The following CHRM3 variants were observed in gnomAD, a reference collection of about 807,000 sequenced individuals.
The protein encoded by CHRM3 is muscarinic acetylcholine receptor M3.
CHRM3 carries 11 observed loss-of-function variants against 41.8 expected under a neutral mutation model. That is an observed-to-expected ratio of 0.26 (90% CI 0.17 to 0.44). CHRM3 has a LOEUF of 0.44. Among genes scored for constraint, CHRM3 ranks in the 20% least tolerant of loss-of-function variants. CHRM3 has a pLI of 1.00. For synonymous variants in CHRM3, 297 were observed against 301.4 expected (o/e 0.99, Z 0.15); for missense variants, 571 against 745.4 (o/e 0.77, Z 2.72).
chr1:239,477,209 A>G (rs1283979244), intron 1 of CHRM3, among the ~76,000 whole-genome samples: 3 of 152,338 alleles, frequency 2.0e-5, no homozygotes, highest in Middle Eastern at 3.4e-3. Flanking sequence ...AGTGAGCAAG[A>G]TATTTGATCT....
intron 5 of CHRM3, among the ~76,000 whole-genome samples, chr1:239,725,879 A>G (rs1663390638): frequency 6.6e-6 from 1 of 152,080 alleles, no homozygotes; most frequent in East Asian, 1.9e-4. Context: ...ATGCAGATGT[A>G]CAGACTTTTC....
chr1:239,761,710 A>G (rs1666793599), intron 5 of CHRM3, among the ~76,000 whole-genome samples: 1 of 152,172 alleles, frequency 6.6e-6, no homozygotes, highest in Non-Finnish European at 1.5e-5. Context: ...TGTGAACTGC[A>G]TCTGGCCTGG....
intron 6 of CHRM3, among the ~76,000 whole-genome samples, chr1:239,840,085 C>T (rs1673667260): frequency 6.6e-6 from 1 of 152,222 alleles, no homozygotes; most frequent in Non-Finnish European, 1.5e-5. Context: ...ACTGACATCT[C>T]TGTTGACCAG....
intron 5 of CHRM3, among the ~76,000 whole-genome samples, chr1:239,764,876 CT>C (rs1213586788): frequency 6.6e-6 from 1 of 152,182 alleles, no homozygotes; most frequent in Non-Finnish European, 1.5e-5. Flanking sequence ...CAGAAATTGC[CT>C]TTTGTTGGTG....
At chr1:239,672,853 G>A (rs1333709992) in intron 4 of CHRM3, among the ~76,000 whole-genome samples, 2 of 152,094 alleles carry the variant, frequency 1.3e-5, no homozygotes, top group Non-Finnish European at 2.9e-5. Flanking sequence ...GTTAACCCAG[G>A]AGGTGGGTAG....
Position 239,400,989 on chromosome 1 carries a change from A to T in CHRM3, c.-521+13762A>T, listed in dbSNP as rs530967331. 2.0e-5 allele frequency among the ~76,000 whole-genome samples: 3 copies of T among 152,344 alleles called. No homozygotes were observed. The South Asian group carries it at 6.2e-4, about 32-fold the overall frequency. The stretch of plus-strand genomic sequence containing the variant: ...CAGGTTGTACCATGTTGCCTTTTAT[A>T]TAAAATGCGTGCATATCTTTCTCAT... On this transcript the variant is annotated intron_variant, in intron 1 of 6. Transcript: ENST00000676153.
At chr1:239,619,247 T>G (rs767871628) in intron 3 of CHRM3, among the ~76,000 whole-genome samples, 1 of 152,126 alleles carries the variant, frequency 6.6e-6, no homozygotes, top group Non-Finnish European at 1.5e-5. Flanking sequence ...ATAGTTATTC[T>G]ATCACTCCTC....
At chr1:239,669,409 G>A (rs917184557) in intron 4 of CHRM3, among the ~76,000 whole-genome samples, 4 of 152,026 alleles carry the variant, frequency 2.6e-5, no homozygotes, top group East Asian at 1.9e-4. Flanking sequence ...CCTTAAAAAG[G>A]GATTTATTTC....
At chr1:239,521,288 T>C (rs899211640) in intron 2 of CHRM3, among the ~76,000 whole-genome samples, 11 of 152,168 alleles carry the variant, frequency 7.2e-5, no homozygotes, top group South Asian at 2.1e-4. Flanking sequence ...AATATTGCCC[T>C]ATTTCCATGC....
At chr1:239,680,512 C>T (rs1008426664) in intron 5 of CHRM3, among the ~76,000 whole-genome samples, 2 of 151,998 alleles carry the variant, frequency 1.3e-5, no homozygotes, top group African/African-American at 4.8e-5. Context: ...AGATTGCCAC[C>T]CAATCAGGGT....
intron 3 of CHRM3, among the ~76,000 whole-genome samples, chr1:239,619,717 A>G (rs989325977): frequency 6.6e-6 from 1 of 152,132 alleles, no homozygotes; most frequent in Non-Finnish European, 1.5e-5. Context: ...GAACCCCCAT[A>G]AACACCATTA....
chr1:239,564,887 T>A (rs1661202775), intron 3 of CHRM3, among the ~76,000 whole-genome samples: 1 of 152,216 alleles, frequency 6.6e-6, no homozygotes, highest in Non-Finnish European at 1.5e-5. Flanking sequence ...CTTGGTGGCT[T>A]AGAATGGCAG....
Position 239,609,237 on chromosome 1 carries a change from G to A in CHRM3, c.-312-22987G>A, listed in dbSNP as rs187680860. 5.3e-4 allele frequency among the ~76,000 whole-genome samples: 80 copies of A among 152,236 alleles called. No individual in the cohort carries two copies. In the East Asian group the frequency reaches 0.013, roughly 25 times the overall value. On this transcript the variant is annotated intron_variant, in intron 3 of 6. Coordinates refer to ENST00000676153, the MANE Select transcript of CHRM3 (RefSeq NM_001375978.1). ...CATTTTCAAGAATTTTAAATGAATA[G>A]GATGATAAAAACTGTACTCTTTTTT...
intron 5 of CHRM3, among the ~76,000 whole-genome samples, chr1:239,755,183 C>T (rs1421851882): frequency 2.6e-5 from 4 of 152,162 alleles, no homozygotes; most frequent in African/African-American, 9.7e-5. Context: ...CTCCACCCTC[C>T]TGTTTTTTAA....
intron 1 of CHRM3, among the ~76,000 whole-genome samples, chr1:239,483,293 C>A (rs542526551): frequency 6.6e-6 from 1 of 152,218 alleles, no homozygotes; most frequent in Non-Finnish European, 1.5e-5. Flanking sequence ...TGTTAAGAAG[C>A]TCTCATTGTC....
At chr1:239,861,046 C>A (rs1558187230) in intron 6 of CHRM3, among the ~76,000 whole-genome samples, 2 of 152,080 alleles carry the variant, frequency 1.3e-5, no homozygotes, top group African/African-American at 4.8e-5. Context: ...GGAACTAGGA[C>A]TCAAAATTAG....
intron 3 of CHRM3, among the ~76,000 whole-genome samples, chr1:239,618,277 CTTTT>C (rs61094722): frequency 9.7e-4 from 117 of 120,670 alleles, no homozygotes; most frequent in African/African-American, 3.4e-3. Context: ...TTTTTTCTTT[CTTTT>C]TTTTTTTTTT....
At chr1:239,425,496 C>T (rs1220741230) in intron 1 of CHRM3, among the ~76,000 whole-genome samples, 1 of 152,128 alleles carries the variant, frequency 6.6e-6, no homozygotes, top group Non-Finnish European at 1.5e-5. Flanking sequence ...GCATAAGCAG[C>T]CTTCACTCAT....
intron 6 of CHRM3, among the ~76,000 whole-genome samples, chr1:239,870,145 C>G (rs1676451101): frequency 6.6e-6 from 1 of 152,138 alleles, no homozygotes; most frequent in Admixed American, 6.5e-5. Flanking sequence ...ATGGCACAGT[C>G]TCTGCACACA....
Sources: allele counts gnomAD v4.1 joint callset (sites outside exome capture counted in the v4.1 genomes callset), GRCh38; gene constraint gnomAD v4.1.1; transcripts MANE v1.5; gene names NCBI Gene and HGNC (gene_info 2026-07-23, HGNC 2026-07-21).